The following RHBDL2 variants were observed in gnomAD, a reference collection of about 807,000 sequenced individuals.
The protein encoded by RHBDL2 is rhomboid-related protein 2.
RHBDL2 carries 26 observed loss-of-function variants against 31.7 expected under a neutral mutation model. The ratio of observed to expected loss-of-function variants is 0.82; its 90% CI spans 0.60 to 1.14. The LOEUF (loss-of-function observed/expected upper bound fraction) is 1.14, where lower values mean the gene tolerates loss of function less well. RHBDL2 is among the 50% of genes most tolerant of loss of function. The probability of loss-of-function intolerance (pLI) is 0.00; values close to 1 mark genes in which losing one functional copy is unlikely to be tolerated. For missense variants in RHBDL2, 336 were observed against 364.4 expected (o/e 0.92, Z 0.63); for synonymous variants, 123 against 127.2 (o/e 0.97, Z 0.22).
In RHBDL2 at chr1:38,893,167, T is replaced by C; in HGVS notation, c.667A>G (p.Ile223Val). 6.4e-7 allele frequency: 1 copy of C among 1,552,378 alleles called. No homozygotes were observed. The highest frequency in any genetic ancestry group is 8.9e-7 in the Non-Finnish European group (1 of 1,124,944). The change falls in exon 6 of 8, where the codon ATA becomes GTA. Residue 223 changes from isoleucine to valine, a missense_variant. Transcript: ENST00000372990. ...AGTATTCACAAAACACACTTACTTA[T>C]CAGGATGATGATCAGCAGTCTGAAA... ...GIFRLLIIIL[I>V]IVLDMGFALY...
At chr1:38,941,065 T>C (rs1643555447) in intron 1 of RHBDL2, among the ~76,000 whole-genome samples, 1 of 152,218 alleles carries the variant, frequency 6.6e-6, no homozygotes, top group Admixed American at 6.5e-5. Flanking sequence ...AGTTTTCTTA[T>C]TCCCAAGAGG....
At position 38,911,357 on chromosome 1, in the gene RHBDL2, C is replaced by T. The variant is rs142626619; in HGVS notation, c.473G>A (p.Arg158His). 6.0e-5 allele frequency: 97 copies of T among 1,613,754 alleles called. 1 individual carries two copies. The highest frequency in any genetic ancestry group is 3.8e-4 in the Admixed American group (23 of 59,994). ...TCCTGCCAGGTACACCAGCCCCACA[C>T]GGAGGCCTTTGTGGACCATTTCCAA... ...IPLEMVHKGL[R>H]VGLVYLAGVI... The change falls in exon 4 of 8, where the codon CGT becomes CAT. Residue 158 changes from arginine to histidine, a missense_variant. Coordinates refer to ENST00000372990, the MANE Select transcript of RHBDL2 (RefSeq NM_017821.5).
chr1:38,886,469 GCT>G lies in RHBDL2; in HGVS notation c.*33_*34del, dbSNP rs747127234. ...CTTTTTTTTTTATTTCCTCCAGATGGCTCTTTTTATTAATTGACTTACAATAG... is the reference window on the plus strand; with the variant it reads ...CTTTTTTTTTTATTTCCTCCAGATGGCTTTTTATTAATTGACTTACAATAG... On this transcript the variant is annotated 3_prime_UTR_variant, in exon 8 of 8. Coordinates refer to ENST00000372990, the MANE Select transcript of RHBDL2 (RefSeq NM_017821.5). 1.5e-4 allele frequency: 206 copies of G among 1,405,818 alleles called. No homozygotes were observed. The highest frequency in any genetic ancestry group is 5.1e-5 in the Non-Finnish European group (54 of 1,050,556). 87.1% of individuals were successfully genotyped at this position (1,405,818 alleles called of 1,614,324 possible). A position where few individuals can be genotyped will look rare whatever the true frequency, so the allele number is the denominator to read the frequency against.
chr1:38,922,714 T>C (rs1245936258), intron 1 of RHBDL2, among the ~76,000 whole-genome samples: 1 of 149,324 alleles, frequency 6.7e-6, no homozygotes, highest in Non-Finnish European at 1.5e-5. Context: ...GTCTCTAACA[T>C]TTCCTCATCT....
intron 6 of RHBDL2, 100 bp downstream of exon 6, chr1:38,893,064 C>A: frequency 1.4e-6 from 1 of 698,408 alleles, no homozygotes; most frequent in South Asian, 2.1e-5. Flanking sequence ...GTGTATGCCC[C>A]AAATTGCAAT....
intron 4 of RHBDL2, among the ~76,000 whole-genome samples, chr1:38,906,867 T>C (rs1643073482): frequency 6.6e-6 from 1 of 152,200 alleles, no homozygotes; most frequent in Admixed American, 6.5e-5. Flanking sequence ...AGGCAACTCC[T>C]ATCAAAATTC....
chr1:38,933,525 A>C (rs544077018), intron 1 of RHBDL2, among the ~76,000 whole-genome samples: 1 of 152,338 alleles, frequency 6.6e-6, no homozygotes, highest in South Asian at 2.1e-4. Flanking sequence ...CAATCCCATG[A>C]ATGGAGAAGG....
At chr1:38,915,821 AC>A in intron 2 of RHBDL2, 111 bp from the exon 3 acceptor site, 1 of 943,588 alleles carries the variant, frequency 1.1e-6, no homozygotes, top group Non-Finnish European at 1.6e-6. Flanking sequence ...AGTGGGCCAC[AC>A]CATAGTGCCA....
chr1:38,908,269 T>C (rs1018351787), intron 4 of RHBDL2, among the ~76,000 whole-genome samples: 1 of 151,776 alleles, frequency 6.6e-6, no homozygotes, highest in Non-Finnish European at 1.5e-5. Context: ...TCCCAGCACT[T>C]TGGGAGGCCG....
intron 3 of RHBDL2, among the ~76,000 whole-genome samples, chr1:38,911,867 CATG>C (rs1337282183): frequency 2.6e-5 from 4 of 151,952 alleles, no homozygotes; most frequent in Non-Finnish European, 4.4e-5. Context: ...AGTGCAATGG[CATG>C]ATCTTGGCTC....
At chr1:38,889,977 T>G (rs963166845) in intron 6 of RHBDL2, among the ~76,000 whole-genome samples, 6 of 152,358 alleles carry the variant, frequency 3.9e-5, no homozygotes, top group African/African-American at 7.2e-5. Flanking sequence ...ATATTCAATA[T>G]TCATTTAGTT....
chr1:38,888,030 A>G lies in RHBDL2; in HGVS notation c.671-6T>C, dbSNP rs1448436459. The G allele has an allele frequency of 6.2e-7, 1 of 1,609,172 alleles. No individual in the cohort carries two copies. Reference sequence around the variant, plus strand: ...AAATCCCATGTCCAACACAACTAGAAGGAAAAACACCCTGATAAAGGCTCA... The same window carrying G: ...AAATCCCATGTCCAACACAACTAGAGGGAAAAACACCCTGATAAAGGCTCA... On this transcript the variant is annotated splice_region_variant and splice_polypyrimidine_tract_variant and intron_variant, in intron 6 of 7. Coordinates refer to ENST00000372990, the MANE Select transcript of RHBDL2 (RefSeq NM_017821.5).
intron 1 of RHBDL2, among the ~76,000 whole-genome samples, chr1:38,939,991 A>G (rs1037329793): frequency 2.6e-5 from 4 of 152,096 alleles, no homozygotes; most frequent in Non-Finnish European, 5.9e-5. Flanking sequence ...TTTCTAATAC[A>G]GAGAAACTTG....
rs1183187044 is a variant in RHBDL2 at position 38,887,965 on chromosome 1, G to A, written c.730C>T (p.Pro244Ser). ...RRFFVPEDGS[P>S]VSFAAHIAGG... ...TAAAAGAAAGAAACTGAACTCACCG[G>A]AGACCCATCTTCAGGAACAAAGAAC... Residue 244 changes from proline to serine, a missense_variant and splice_region_variant, in exon 7 of 8, where the codon CCG becomes TCG. Physicochemically the swap from Pro to Ser is moderately conservative, Grantham distance 74. Coordinates refer to ENST00000372990, the MANE Select transcript of RHBDL2 (RefSeq NM_017821.5). 3 of 1,605,430 alleles carry A rather than the reference G, an allele frequency of 1.9e-6. No individual in the cohort carries two copies. The highest frequency in any genetic ancestry group is 2.7e-5 in the African/African-American group (2 of 74,636).
chr1:38,904,988 G>T (rs1000318106), intron 4 of RHBDL2, among the ~76,000 whole-genome samples: 1 of 150,198 alleles, frequency 6.7e-6, no homozygotes, highest in Non-Finnish European at 1.5e-5. Context: ...CCGAGATCGC[G>T]CCACTGCACT....
chr1:38,933,423 ATAGT>A (rs1258790688), intron 1 of RHBDL2, among the ~76,000 whole-genome samples: 1 of 152,320 alleles, frequency 6.6e-6, no homozygotes, highest in Admixed American at 6.5e-5. Context: ...TTATCTAAAA[ATAGT>A]TAGTTTATTT....
intron 2 of RHBDL2, 66 bp from the exon 3 acceptor site, chr1:38,915,776 G>A (rs35338149): frequency 0.063 from 95,477 of 1,508,094 alleles, 3,341 homozygotes; most frequent in Middle Eastern, 0.13. Context: ...ATCCAAGCCC[G>A]TGGGCAGTAA....
At chr1:38,889,239 A>C (rs778211007) in intron 6 of RHBDL2, among the ~76,000 whole-genome samples, 1 of 152,088 alleles carries the variant, frequency 6.6e-6, no homozygotes, top group Non-Finnish European at 1.5e-5. Context: ...GATTACAGAC[A>C]TGTGCCACTA....
intron 4 of RHBDL2, among the ~76,000 whole-genome samples, chr1:38,898,151 A>G (rs1570916437): frequency 6.6e-6 from 1 of 152,108 alleles, no homozygotes; most frequent in African/African-American, 2.4e-5. Flanking sequence ...GAAAAAAAAT[A>G]AAATTAGCTG....
Sources: allele counts gnomAD v4.1 joint callset (sites outside exome capture counted in the v4.1 genomes callset), GRCh38; gene constraint gnomAD v4.1.1; transcripts MANE v1.5; gene names NCBI Gene and HGNC (gene_info 2026-07-23, HGNC 2026-07-21).